The following AGTPBP1 variants were observed in gnomAD, a reference collection of about 807,000 sequenced individuals.
AGTPBP1 encodes the protein ATP/GTP binding carboxypeptidase 1, also known as cytosolic carboxypeptidase 1.
AGTPBP1 carries 70 observed loss-of-function variants against 143.9 expected under a neutral mutation model. The observed-to-expected ratio is 0.49, with a 90% confidence interval of 0.40 to 0.59. The LOEUF is 0.59. AGTPBP1 is among the 20% of genes least tolerant of loss of function. The pLI is 0.00. For synonymous variants in AGTPBP1, 463 were observed against 500.2 expected (o/e 0.93, Z 0.99); for missense variants, 1,229 against 1,464.5 (o/e 0.84, Z 2.62).
intron 3 of AGTPBP1, among the ~76,000 whole-genome samples, chr9:85,684,072 T>C (rs1204309110): frequency 6.6e-6 from 1 of 151,908 alleles, no homozygotes; most frequent in African/African-American, 2.4e-5. Flanking sequence ...AATTCCAACC[T>C]CACTTGGGAA....
At chr9:85,794,560 T>C in the AGTPBP1 span, among the ~76,000 whole-genome samples, 1 of 152,242 alleles carries the variant, frequency 6.6e-6, no homozygotes, top group African/African-American at 2.4e-5. Flanking sequence ...GATTATGTAG[T>C]AAATCTTGAA....
the AGTPBP1 span, among the ~76,000 whole-genome samples, chr9:85,770,017 T>G: frequency 6.6e-6 from 1 of 152,102 alleles, no homozygotes; most frequent in Admixed American, 6.6e-5. Context: ...TTCCATTTTA[T>G]TCCATCAGGT....
chr9:85,760,832 C>G, the AGTPBP1 span, among the ~76,000 whole-genome samples: 2 of 152,112 alleles, frequency 1.3e-5, no homozygotes, highest in African/African-American at 4.8e-5. Flanking sequence ...GTCAAATTGT[C>G]TGTTTGCAGA....
rs1837437758 is a variant in AGTPBP1 at position 85,712,413 on chromosome 9, A to G, written c.32+89T>C. The G allele has an allele frequency of 4.7e-6, 3 of 632,422 alleles. No individual in the cohort carries two copies. The South Asian group carries it at 8.4e-5, about 18-fold the overall frequency. The allele number at this position is 632,422 out of a possible 1,614,324, so 39.2% of individuals were successfully genotyped here. A position where few individuals can be genotyped will look rare whatever the true frequency, so the allele number is the denominator to read the frequency against. ...TATAACATATTATACTTAAACACAAATAATACTTTGTCAAGTATTGAGTTT... is the reference window on the plus strand; with the variant it reads ...TATAACATATTATACTTAAACACAAGTAATACTTTGTCAAGTATTGAGTTT... On this transcript the variant is annotated intron_variant, in intron 2 of 25. Transcript: ENST00000357081.
chr9:85,575,402 C>G lies in AGTPBP1; in HGVS notation c.3416G>C (p.Arg1139Thr). The G allele has an allele frequency of 6.2e-7, 1 of 1,611,338 alleles. No individual in the cohort carries two copies. The highest frequency in any genetic ancestry group is 8.5e-7 in the Non-Finnish European group (1 of 1,179,288). The change falls in exon 25 of 26, where the codon AGA becomes ACA. Residue 1139 changes from arginine (R) to threonine (T), a missense_variant. Physicochemically the swap from Arg to Thr is moderately conservative, Grantham distance 71. Coordinates refer to ENST00000357081, the MANE Select transcript of AGTPBP1 (RefSeq NM_001330701.2). ...ATTATACTCCAATGGAGAGGTCAGT[C>G]TTTTCAAACGTAAAAGACCAACACA... ...KFCVGLLRLKRLTSPLEYNLP... is the reference protein window; with the variant it reads ...KFCVGLLRLKTLTSPLEYNLP...
chr9:85,556,087 T>C (rs1211698139), intron 25 of AGTPBP1, among the ~76,000 whole-genome samples: 2 of 152,244 alleles, frequency 1.3e-5, no homozygotes, highest in African/African-American at 2.4e-5. Flanking sequence ...CCCCGTGACA[T>C]GGGTTTACCT....
intron 1 of AGTPBP1, among the ~76,000 whole-genome samples, chr9:85,736,272 A>AT (rs926128280): frequency 1.3e-5 from 2 of 152,158 alleles, no homozygotes; most frequent in African/African-American, 4.8e-5. Context: ...ATTGTACTTA[A>AT]TTTTGTATGT....
chr9:85,575,346 C>A lies in AGTPBP1; in HGVS notation c.3472G>T (p.Asp1158Tyr), dbSNP rs762041915. 3.4e-5 allele frequency: 54 copies of A among 1,598,576 alleles called. No individual in the cohort carries two copies. The highest frequency in any genetic ancestry group is 4.0e-5 in the Non-Finnish European group (47 of 1,175,648). Reference sequence around the variant, plus strand: ...ACTTTGCAGCTTGATTCAATTAAATCATTTTCAAAGTCAAGCAGGCTGGAA... The same window carrying A: ...ACTTTGCAGCTTGATTCAATTAAATAATTTTCAAAGTCAAGCAGGCTGGAA... ...LPSSLLDFEN[D>Y]LIESSCKVTS... Residue 1158 changes from aspartate (D) to tyrosine (Y), a missense_variant, in exon 25 of 26, where the codon GAT (aspartate) becomes TAT (tyrosine). Physicochemically the swap from Asp to Tyr is radical, Grantham distance 160. Transcript: ENST00000357081.
upstream of AGTPBP1, chr9:85,742,007 C>T (rs1393874880): frequency 2.5e-5 from 30 of 1,206,818 alleles, no homozygotes; most frequent in Admixed American, 4.4e-5. Flanking sequence ...CACGCCTTGC[C>T]AGCCGGCTCC....
intron 8 of AGTPBP1, among the ~76,000 whole-genome samples, chr9:85,665,708 T>C (rs891794478): frequency 1.3e-5 from 2 of 152,130 alleles, no homozygotes; most frequent in Non-Finnish European, 2.9e-5. Context: ...AAATAGAACA[T>C]TTTTTTCTGT....
At position 85,645,230 on chromosome 9, in the gene AGTPBP1, T is replaced by C. The variant is rs568821639; in HGVS notation, c.1185+1091A>G. ...TCAATAATAAAATGTATTTTGTTCT[T>C]ATTGCTATAACTGCTCTGTTAAGAT... On this transcript the variant is annotated intron_variant, in intron 12 of 25. Coordinates refer to ENST00000357081, the MANE Select transcript of AGTPBP1 (RefSeq NM_001330701.2). 9.8e-5 allele frequency among the ~76,000 whole-genome samples: 15 copies of C among 152,314 alleles called. 1 individual carries two copies. The South Asian group carries it at 1.4e-3, about 15-fold the overall frequency.
chr9:85,676,023 C>CA (rs563099446), intron 6 of AGTPBP1, among the ~76,000 whole-genome samples: 2,446 of 150,700 alleles, frequency 0.016, 20 homozygotes, highest in Middle Eastern at 0.054. Context: ...GCCTCCGTCT[C>CA]AAAAATAAAA....
intron 1 of AGTPBP1, among the ~76,000 whole-genome samples, chr9:85,738,767 G>T (rs954952157): frequency 6.6e-6 from 1 of 152,076 alleles, no homozygotes; most frequent in African/African-American, 2.4e-5. Flanking sequence ...AAGGCAGGAG[G>T]CAGGACAGTG....
intron 2 of AGTPBP1, among the ~76,000 whole-genome samples, chr9:85,704,029 A>T (rs575396492): frequency 1.3e-5 from 2 of 152,342 alleles, no homozygotes; most frequent in African/African-American, 4.8e-5. Flanking sequence ...AAAATAAAAT[A>T]AATCCACTAA....
intron 23 of AGTPBP1, among the ~76,000 whole-genome samples, chr9:85,581,313 C>G (rs770371875): frequency 6.6e-6 from 1 of 152,186 alleles, no homozygotes; most frequent in Non-Finnish European, 1.5e-5. Context: ...CCTAGGCACA[C>G]CATATTTTGG....
At chr9:85,672,732 A>AAT in intron 6 of AGTPBP1, 51 bp from the exon 7 acceptor site, 1 of 919,576 alleles carries the variant, frequency 1.1e-6, no homozygotes, top group South Asian at 1.9e-5. Flanking sequence ...TTTCTTTTTA[A>AAT]TTTTTTTTTT....
the AGTPBP1 span, among the ~76,000 whole-genome samples, chr9:85,804,493 G>A: frequency 6.6e-6 from 1 of 152,090 alleles, no homozygotes; most frequent in Non-Finnish European, 1.5e-5. Context: ...GTCTTTTATT[G>A]TCTGTTTTAT....
chr9:85,618,162 G>A lies in AGTPBP1; in HGVS notation c.2335+821C>T, dbSNP rs56052740. Among the ~76,000 whole-genome samples, 378 of 151,970 alleles carry A rather than the reference G, an allele frequency of 2.5e-3. 2 individuals are homozygous for A. The highest frequency in any genetic ancestry group is 8.8e-3 in the African/African-American group (364 of 41,432). On this transcript the variant is annotated intron_variant, in intron 17 of 25. Coordinates refer to ENST00000357081, the MANE Select transcript of AGTPBP1 (RefSeq NM_001330701.2). ...GCAGGGGAATCACGTGAACCTGAGA[G>A]GTGGAGGTTGCAGTGGGCCACAATC...
the AGTPBP1 span, among the ~76,000 whole-genome samples, chr9:85,759,076 C>G: frequency 6.6e-6 from 1 of 152,160 alleles, no homozygotes. Flanking sequence ...GCTAACTATC[C>G]TAAATGTATA....
Sources: allele counts gnomAD v4.1 joint callset (sites outside exome capture counted in the v4.1 genomes callset), GRCh38; gene constraint gnomAD v4.1.1; transcripts MANE v1.5; gene names NCBI Gene and HGNC (gene_info 2026-07-23, HGNC 2026-07-21).